The following ARHGAP24 variants were observed in gnomAD, a reference collection of about 807,000 sequenced individuals.
The protein encoded by ARHGAP24 is Rho GTPase activating protein 24.
Under a neutral mutation model 76.4 loss-of-function variants are expected in ARHGAP24, and 50 were observed. The observed-to-expected ratio is 0.65, with a 90% CI of 0.52 to 0.83. ARHGAP24 has a LOEUF of 0.83. Ranked by LOEUF, ARHGAP24 falls within the 40% of genes least tolerant of loss-of-function variation. The pLI, the probability that ARHGAP24 is intolerant of heterozygous loss-of-function variation, is 0.00. For missense variants in ARHGAP24, 930 were observed against 914.2 expected (o/e 1.02, Z -0.22); for synonymous variants, 345 against 323.3 (o/e 1.07, Z -0.72).
At chr4:86,000,089 T>TTC (rs1740923045) in intron 9 of ARHGAP24, 1 of 158,188 alleles carries the variant, frequency 6.3e-6, no homozygotes, top group South Asian at 1.8e-4. Flanking sequence ...TCTTTTTTTT[T>TTC]TTTTTTTGTT....
intron 2 of ARHGAP24, among the ~76,000 whole-genome samples, chr4:85,633,744 A>C (rs1721230611): frequency 6.6e-6 from 1 of 151,818 alleles, no homozygotes; most frequent in South Asian, 2.1e-4. Flanking sequence ...AGTTCAAAAG[A>C]CATACTTTTA....
rs530060488 is a variant in ARHGAP24 at position 85,666,899 on chromosome 4, G to T, written c.181-54986G>T. Among the ~76,000 whole-genome samples the T allele has an allele frequency of 1.1e-4, 17 of 152,288 alleles. No individual in the cohort carries two copies. In the Middle Eastern group the frequency reaches 0.017, roughly 152 times the overall value. On this transcript the variant is annotated intron_variant, in intron 2 of 9. Transcript: ENST00000395184. ...ACCCAGCCGTGTGAGATGTCAGTCTGCCCATACTGGGGGGTACCTCCCAGT... is the reference window on the plus strand; with the variant it reads ...ACCCAGCCGTGTGAGATGTCAGTCTTCCCATACTGGGGGGTACCTCCCAGT...
At chr4:85,556,281 G>T (rs925440331) in intron 1 of ARHGAP24, among the ~76,000 whole-genome samples, 2 of 152,148 alleles carry the variant, frequency 1.3e-5, no homozygotes, top group African/African-American at 4.8e-5. Context: ...GAGGCTGTTG[G>T]TTGCCTCTGG....
chr4:85,478,833 G>T (rs1048311159), intron 1 of ARHGAP24, among the ~76,000 whole-genome samples: 1 of 152,084 alleles, frequency 6.6e-6, no homozygotes, highest in African/African-American at 2.4e-5. Context: ...ACCCAATTCC[G>T]TGAAGAATTA....
intron 4 of ARHGAP24, among the ~76,000 whole-genome samples, chr4:85,940,599 G>A (rs1174029618): frequency 2.0e-5 from 3 of 152,136 alleles, no homozygotes; most frequent in Non-Finnish European, 4.4e-5. Flanking sequence ...GTCTGTTGGA[G>A]TTAGTGAATA....
chr4:85,678,444 C>G (rs2128186), intron 2 of ARHGAP24, among the ~76,000 whole-genome samples: 140,735 of 152,296 alleles, frequency 0.92, 65,079 homozygotes, highest in East Asian at 0.98. Context: ...CAAGAATTTT[C>G]GGTTCAATGC....
intron 2 of ARHGAP24, among the ~76,000 whole-genome samples, chr4:85,695,193 A>G (rs758071646): frequency 2.0e-4 from 30 of 152,224 alleles, no homozygotes; most frequent in Admixed American, 2.0e-4. Flanking sequence ...AAGCAAAATA[A>G]TGTTTTGGTT....
At chr4:85,689,614 T>A (rs1173285490) in intron 2 of ARHGAP24, among the ~76,000 whole-genome samples, 1 of 152,090 alleles carries the variant, frequency 6.6e-6, no homozygotes, top group African/African-American at 2.4e-5. Flanking sequence ...GTCTCGAACT[T>A]CTGAGCTCAA....
intron 1 of ARHGAP24, among the ~76,000 whole-genome samples, chr4:85,508,381 T>C (rs1724145428): frequency 6.6e-6 from 1 of 152,122 alleles, no homozygotes. Flanking sequence ...CACCTGAAAA[T>C]AAAAATTTGC....
Position 85,994,594 on chromosome 4 carries a change from G to C in ARHGAP24, c.940G>C (p.Val314Leu). Residue 314 changes from valine to leucine, a missense_variant, in exon 9 of 10, where the codon GTC becomes CTC. By Grantham distance (32) the Val-to-Leu change is conservative. Coordinates refer to ENST00000395184, the MANE Select transcript of ARHGAP24 (RefSeq NM_001025616.3). ...PLTIMEGTVV[V>L]QQLMSVMISK... The stretch of plus-strand genomic sequence containing the variant: ...CTATGCAATTCTAGGCACTGTGGTG[G>C]TCCAGCAGTTGATGTCAGTGATGAT... The C allele has an allele frequency of 6.2e-7, 1 of 1,614,072 alleles. No individual in the cohort carries two copies. Among genetic ancestry groups the C allele is most frequent in the Admixed American group, 1.7e-5 (1 of 60,016 alleles).
At chr4:85,766,394 T>C (rs1726933525) in intron 3 of ARHGAP24, among the ~76,000 whole-genome samples, 1 of 152,092 alleles carries the variant, frequency 6.6e-6, no homozygotes, top group East Asian at 1.9e-4. Flanking sequence ...ATCTCTAGGT[T>C]TTTAAAATTG....
intron 1 of ARHGAP24, among the ~76,000 whole-genome samples, chr4:85,516,372 T>C (rs1032674769): frequency 1.3e-5 from 2 of 152,218 alleles, no homozygotes; most frequent in East Asian, 1.9e-4. Context: ...TTCAATGTTT[T>C]TGGAACCAGA....
intron 8 of ARHGAP24, among the ~76,000 whole-genome samples, chr4:85,987,576 G>T (rs1740075524): frequency 6.6e-6 from 1 of 151,888 alleles, no homozygotes; most frequent in Admixed American, 6.6e-5. Flanking sequence ...GTTCAAGAAG[G>T]TAAAGCAAAA....
chr4:85,888,402 GA>G (rs377665282), intron 3 of ARHGAP24, among the ~76,000 whole-genome samples: 27 of 125,150 alleles, frequency 2.2e-4, no homozygotes, highest in Admixed American at 6.9e-4. Flanking sequence ...TTCCTCTCAA[GA>G]AAAAAAAAAA....
intron 3 of ARHGAP24, among the ~76,000 whole-genome samples, chr4:85,889,523 T>C (rs902622396): frequency 2.6e-5 from 4 of 152,218 alleles, no homozygotes; most frequent in Admixed American, 6.5e-5. Flanking sequence ...TATTCTGTAG[T>C]CTATGAGGCT....
At chr4:85,630,474 A>T (rs1319942070) in intron 2 of ARHGAP24, among the ~76,000 whole-genome samples, 3 of 152,118 alleles carry the variant, frequency 2.0e-5, no homozygotes, top group Non-Finnish European at 4.4e-5. Flanking sequence ...TACCTCCTGT[A>T]GTCTTTACAG....
rs180701025 is a variant in ARHGAP24, at chr4:85,718,534, A to G, written c.181-3351A>G. On this transcript the variant is annotated intron_variant, in intron 2 of 9. Coordinates refer to ENST00000395184, the MANE Select transcript of ARHGAP24 (RefSeq NM_001025616.3). ...AAACACTTTGAAAATAACTATCACA[A>G]TTAAGACATTTCCCTTAGTTATGGA... 3.3e-3 allele frequency among the ~76,000 whole-genome samples: 507 copies of G among 152,234 alleles called. 3 individuals are homozygous for G. Among genetic ancestry groups the G allele is most frequent in the African/African-American group, 0.012 (480 of 41,572 alleles).
intron 5 of ARHGAP24, among the ~76,000 whole-genome samples, chr4:85,956,997 G>A (rs182961): frequency 1.3e-5 from 2 of 151,952 alleles, no homozygotes; most frequent in African/African-American, 2.4e-5. Context: ...GCTCTCAGGC[G>A]GTAGATGATT....
intron 2 of ARHGAP24, among the ~76,000 whole-genome samples, chr4:85,598,838 G>A (rs1225546304): frequency 6.6e-6 from 1 of 150,498 alleles, no homozygotes; most frequent in African/African-American, 2.4e-5. Context: ...GAAGTACAGT[G>A]CAGGTCATAA....
Sources: gnomAD v4.1 joint callset for allele counts (sites outside exome capture counted in the v4.1 genomes callset) on GRCh38, gnomAD v4.1.1 for gene constraint, MANE v1.5 for transcripts, NCBI Gene and HGNC (gene_info 2026-07-23, HGNC 2026-07-21) for gene names.